SLC12A2: variants seen among roughly 807,000 people sequenced by gnomAD.
The protein encoded by SLC12A2 is solute carrier family 12 member 2.
SLC12A2 carries 67 observed loss-of-function variants against 136.3 expected under a neutral mutation model. That is an observed-to-expected ratio of 0.49 (90% confidence interval 0.40 to 0.60). SLC12A2 has a LOEUF of 0.60. SLC12A2 is among the 20% of genes least tolerant of loss of function. The pLI is 0.00. For synonymous variants in SLC12A2, 619 were observed against 562.9 expected (o/e 1.10, Z -1.41); for missense variants, 1,322 against 1,534.7 (o/e 0.86, Z 2.32).
intron 7 of SLC12A2, among the ~76,000 whole-genome samples, chr5:128,137,479 G>C (rs552269632): frequency 6.6e-6 from 1 of 152,084 alleles, no homozygotes; most frequent in South Asian, 2.1e-4. Context: ...TCTCTCATTT[G>C]TTATTCACAA....
intron 25 of SLC12A2, 70 bp from the exon 26 acceptor site, chr5:128,184,719 A>G (rs1372674396): frequency 6.2e-7 from 1 of 1,603,502 alleles, no homozygotes; most frequent in South Asian, 1.1e-5. Flanking sequence ...TTGTCTCCTT[A>G]TAGTTTTATG....
chr5:128,135,713 T>G lies in SLC12A2; in HGVS notation c.1313T>G (p.Leu438Arg). The part of the protein sequence containing the change: ...MEWEAKAQIV[L>R]LVILLLAIGD... The stretch of plus-strand genomic sequence containing the variant: ...TTAAAATTGCAGGCTCAGATTGTTC[T>G]TTTGGTGATCCTACTTCTTGCTATT... Residue 438 changes from leucine (L) to arginine (R), a missense_variant, in exon 7 of 27, where the codon CTT (leucine) becomes CGT (arginine). By Grantham distance (102) the Leu-to-Arg change is moderately radical. This residue lies in a region of SLC12A2 where 110 missense variants were observed against 114.5 expected (regional missense o/e 0.96). Transcript: ENST00000262461. The G allele has an allele frequency of 6.2e-7, 1 of 1,607,322 alleles. No individual in the cohort carries two copies. Among genetic ancestry groups the G allele is most frequent in the Non-Finnish European group, 8.5e-7 (1 of 1,174,430 alleles).
intron 23 of SLC12A2, among the ~76,000 whole-genome samples, chr5:128,182,567 TAAG>T (rs1447672502): frequency 1.3e-5 from 2 of 152,166 alleles, no homozygotes; most frequent in African/African-American, 4.8e-5. Flanking sequence ...AAAATTAACT[TAAG>T]AAACATTAGC....
At chr5:128,109,815 T>A in intron 1 of SLC12A2, 1 of 795,498 alleles carries the variant, frequency 1.3e-6, no homozygotes. Flanking sequence ...AATCTGAAGA[T>A]GGGAGTTAAA....
At chr5:128,110,773 A>G in intron 1 of SLC12A2, 3 of 1,466,176 alleles carry the variant, frequency 2.0e-6, no homozygotes, top group Non-Finnish European at 2.9e-6. Flanking sequence ...AAAAGATCAC[A>G]ATGAAGAGGC....
chr5:128,158,086 C>T lies in SLC12A2; in HGVS notation c.2397C>T (p.Asn799=). The part of the protein sequence containing the change: ...PQCLVMTGAP[N]SRPALLHLVH... ...GTCTTGTTATGACAGGTGCTCCAAA[C>T]TCACGTCCAGCTTTACTTCATCTTG... The change falls in exon 16 of 27, where the codon AAC becomes AAT. Residue 799 remains asparagine, a synonymous_variant. Coordinates refer to ENST00000262461, the MANE Select transcript of SLC12A2 (RefSeq NM_001046.3). The T allele has an allele frequency of 1.2e-6, 2 of 1,613,748 alleles. No individual in the cohort carries two copies. Among genetic ancestry groups the T allele is most frequent in the Non-Finnish European group, 1.7e-6 (2 of 1,179,814 alleles).
intron 1 of SLC12A2, among the ~76,000 whole-genome samples, chr5:128,107,674 C>T (rs1450152286): frequency 1.9e-4 from 29 of 152,140 alleles, no homozygotes; most frequent in Non-Finnish European, 4.4e-5. Flanking sequence ...GCAACATTTT[C>T]TTTATTCAGT....
intron 16 of SLC12A2, 69 bp from the exon 17 acceptor site, chr5:128,161,591 G>T (rs1368067921): frequency 2.0e-6 from 2 of 988,100 alleles, no homozygotes; most frequent in African/African-American, 3.4e-5. Flanking sequence ...ATAACAGGAT[G>T]AATCATTTGT....
chr5:128,095,090 T>C (rs1056302646), intron 1 of SLC12A2, among the ~76,000 whole-genome samples: 1 of 152,142 alleles, frequency 6.6e-6, no homozygotes, highest in Non-Finnish European at 1.5e-5. Flanking sequence ...CATTAGAGAG[T>C]CTAATGTTCT....
chr5:128,089,169 CAAAAAAAA>C (rs34686489), intron 1 of SLC12A2, among the ~76,000 whole-genome samples: 1 of 119,780 alleles, frequency 8.3e-6, no homozygotes, highest in African/African-American at 3.2e-5. Flanking sequence ...ACTTTGTCTC[CAAAAAAAA>C]AAAAAAAAAG....
intron 16 of SLC12A2, among the ~76,000 whole-genome samples, chr5:128,160,805 G>A (rs551876837): frequency 6.6e-6 from 1 of 151,856 alleles, no homozygotes; most frequent in Non-Finnish European, 1.5e-5. Context: ...CCAGCTAATT[G>A]TTCTGCTTAT....
intron 2 of SLC12A2, 28 bp from the exon 3 acceptor site, chr5:128,114,184 G>C: frequency 5.3e-6 from 8 of 1,511,072 alleles, no homozygotes; most frequent in Non-Finnish European, 7.3e-6. Flanking sequence ...TTCTTCCTCT[G>C]TGTCTTGGCC....
In SLC12A2 at chr5:128,184,490, T is replaced by A; in HGVS notation, c.3424T>A (p.Tyr1142Asn). 1 of 1,597,428 alleles carries A rather than the reference T, an allele frequency of 6.3e-7. No homozygotes were observed. Among genetic ancestry groups the A allele is most frequent in the African/African-American group, 1.4e-5 (1 of 74,072 alleles). Residue 1142 changes from tyrosine to asparagine, a missense_variant, in exon 25 of 27, where the codon TAT (tyrosine) becomes AAT (asparagine). Around this residue, in one of 8 missense-constraint regions of SLC12A2, gnomAD observed 172 missense variants for 227.4 expected, o/e 0.76. Coordinates refer to ENST00000262461, the MANE Select transcript of SLC12A2 (RefSeq NM_001046.3). ...WRITDNELEL[Y>N]KTKTYRQIRL... ...AATAACAGATAATGAGCTTGAACTT[T>A]ATAAGACCAAGGTATTCTCTTCTGC... is the stretch of plus-strand genomic sequence containing the variant.
At chr5:128,115,791 G>GGT (rs1761325187) in intron 4 of SLC12A2, among the ~76,000 whole-genome samples, 1 of 152,126 alleles carries the variant, frequency 6.6e-6, no homozygotes. Context: ...CAAGTATTTG[G>GGT]GTGTGGGAGG....
chr5:128,111,789 C>CAT (rs199937902), intron 1 of SLC12A2, among the ~76,000 whole-genome samples: 3,098 of 144,230 alleles, frequency 0.021, 135 homozygotes, highest in African/African-American at 0.079. Flanking sequence ...AAAGTGTACG[C>CAT]ATATATATAT....
At chr5:128,088,101 A>T (rs1042318973) in intron 1 of SLC12A2, among the ~76,000 whole-genome samples, 1 of 151,562 alleles carries the variant, frequency 6.6e-6, no homozygotes. Context: ...GCTTAAGGTC[A>T]TGGACTAAAT....
chr5:128,113,256 A>C (rs959608963), intron 2 of SLC12A2, among the ~76,000 whole-genome samples: 1 of 152,220 alleles, frequency 6.6e-6, no homozygotes, highest in African/African-American at 2.4e-5. Context: ...TATGAAGACT[A>C]TCAAATTGGG....
chr5:128,136,192 A>G (rs1316030777), intron 7 of SLC12A2, among the ~76,000 whole-genome samples: 3 of 152,128 alleles, frequency 2.0e-5, no homozygotes, highest in Non-Finnish European at 4.4e-5. Flanking sequence ...GAAAGCAATT[A>G]TTGGTATAAT....
chr5:128,133,399 C>T (rs1581097627), intron 5 of SLC12A2, among the ~76,000 whole-genome samples: 1 of 151,914 alleles, frequency 6.6e-6, no homozygotes, highest in East Asian at 1.9e-4. Context: ...TTTTTCCTCC[C>T]TTGTAATTGA....
Sources: allele counts gnomAD v4.1 joint callset (sites outside exome capture counted in the v4.1 genomes callset), GRCh38; gene constraint gnomAD v4.1.1; regional missense constraint gnomAD v4.1.1; transcripts MANE v1.5; gene names NCBI Gene and HGNC (gene_info 2026-07-23, HGNC 2026-07-21).